PACRG: variants seen among roughly 807,000 people sequenced by gnomAD.
PACRG encodes parkin coregulated gene protein.
In PACRG, 29 loss-of-function variants were observed where a neutral mutation model predicts 29.7. The ratio of observed to expected loss-of-function variants is 0.98; its 90% CI spans 0.73 to 1.33. The LOEUF is 1.33. Ranked by LOEUF, PACRG falls within the 40% of genes most tolerant of loss-of-function variation. The pLI, the probability that PACRG is intolerant of heterozygous loss-of-function variation, is 0.00. For synonymous variants in PACRG, 116 were observed against 118.7 expected (o/e 0.98, Z 0.15); for missense variants, 279 against 316.2 (o/e 0.88, Z 0.89).
intron 4 of PACRG, among the ~76,000 whole-genome samples, chr6:163,127,856 A>T (rs1816580085): frequency 6.6e-6 from 1 of 152,348 alleles, no homozygotes; most frequent in South Asian, 2.1e-4. Context: ...TTATAAATTA[A>T]CAGATCCAGT....
intron 2 of PACRG, among the ~76,000 whole-genome samples, chr6:162,849,602 C>T (rs1182108267): frequency 1.3e-5 from 2 of 152,326 alleles, no homozygotes; most frequent in East Asian, 3.9e-4. Flanking sequence ...TAGTTCCTGT[C>T]TGTATCCATT....
chr6:162,888,109 G>T (rs1028159659), intron 2 of PACRG, among the ~76,000 whole-genome samples: 2 of 151,478 alleles, frequency 1.3e-5, no homozygotes, highest in East Asian at 3.9e-4. Context: ...GCGGGGTCTC[G>T]TCCTCATCTG....
At chr6:163,239,041 G>A (rs992039055) in intron 4 of PACRG, among the ~76,000 whole-genome samples, 1 of 152,170 alleles carries the variant, frequency 6.6e-6, no homozygotes, top group African/African-American at 2.4e-5. Context: ...TTAGCATGTG[G>A]TAAAAGCTTG....
chr6:162,885,517 TTCCTCG>T (rs75516084), intron 2 of PACRG, among the ~76,000 whole-genome samples: 27,317 of 152,014 alleles, frequency 0.18, 3,139 homozygotes, highest in Non-Finnish European at 0.25. Context: ...GCCATCTGCC[TTCCTCG>T]GCCTCCCAAA....
chr6:162,764,359 T>C (rs1472006269), intron 1 of PACRG, among the ~76,000 whole-genome samples: 1 of 152,064 alleles, frequency 6.6e-6, no homozygotes, highest in East Asian at 1.9e-4. Flanking sequence ...TAATTGGTGT[T>C]ATGGATTAGA....
chr6:163,181,102 G>A (rs1346129422), intron 4 of PACRG, among the ~76,000 whole-genome samples: 1 of 152,144 alleles, frequency 6.6e-6, no homozygotes, highest in Non-Finnish European at 1.5e-5. Context: ...TCAGCTGTGC[G>A]GGCACCTGTG....
At chr6:163,256,517 G>A (rs1299672830) in intron 4 of PACRG, among the ~76,000 whole-genome samples, 1 of 152,240 alleles carries the variant, frequency 6.6e-6, no homozygotes, top group Admixed American at 6.5e-5. Flanking sequence ...GCAACCTAAA[G>A]CCAGGTGGTT....
intron 2 of PACRG, among the ~76,000 whole-genome samples, chr6:162,823,027 G>A (rs372997645): frequency 9.9e-5 from 15 of 152,012 alleles, no homozygotes; most frequent in African/African-American, 1.9e-4. Flanking sequence ...CTGATTTGCC[G>A]TTGCATGTTA....
intron 4 of PACRG, among the ~76,000 whole-genome samples, chr6:163,237,129 G>T (rs1296198347): frequency 1.3e-5 from 2 of 152,134 alleles, no homozygotes; most frequent in African/African-American, 4.8e-5. Context: ...ACAGGCTTTT[G>T]AGATACGTAA....
chr6:163,121,318 ATT>A (rs979941667), intron 4 of PACRG, among the ~76,000 whole-genome samples: 3 of 152,204 alleles, frequency 2.0e-5, no homozygotes, highest in African/African-American at 7.2e-5. Context: ...ATTGCCTTAT[ATT>A]TTAGTGCTAT....
chr6:162,941,048 A>ATGTGTGTGTGTGTG (rs370462604), intron 2 of PACRG, among the ~76,000 whole-genome samples: 5 of 81,856 alleles, frequency 6.1e-5, no homozygotes, highest in African/African-American at 1.6e-4. Flanking sequence ...GTGTTTGTGC[A>ATGTGTGTGTGTGTG]TGTGTGTGTG....
At chr6:163,034,946 G>A (rs748422231) in intron 2 of PACRG, among the ~76,000 whole-genome samples, 9 of 152,178 alleles carry the variant, frequency 5.9e-5, no homozygotes, top group Non-Finnish European at 1.0e-4. Flanking sequence ...GCCCATTTTT[G>A]TGGTTATTTC....
intron 2 of PACRG, among the ~76,000 whole-genome samples, chr6:162,895,535 C>G (rs1031659533): frequency 6.6e-6 from 1 of 152,138 alleles, no homozygotes; most frequent in Non-Finnish European, 1.5e-5. Context: ...TATGTTTTAA[C>G]GGTTTCTTAT....
intron 2 of PACRG, among the ~76,000 whole-genome samples, chr6:163,049,610 C>T (rs1447890628): frequency 1.3e-5 from 2 of 151,928 alleles, no homozygotes; most frequent in Non-Finnish European, 2.9e-5. Context: ...TAGGCCAATG[C>T]CTCAGTAGAG....
intron 4 of PACRG, among the ~76,000 whole-genome samples, chr6:163,293,079 G>A (rs565672110): frequency 4.4e-4 from 67 of 152,254 alleles, no homozygotes; most frequent in African/African-American, 1.3e-3. Context: ...AAGATTTTTC[G>A]TGACTTTTCT....
At chr6:162,893,452 G>T (rs1420760231) in intron 2 of PACRG, among the ~76,000 whole-genome samples, 8 of 152,170 alleles carry the variant, frequency 5.3e-5, no homozygotes, top group Non-Finnish European at 1.5e-5. Context: ...AGGCTACATT[G>T]TAGTGATTGT....
intron 4 of PACRG, among the ~76,000 whole-genome samples, chr6:163,269,782 CAG>C (rs1783668063): frequency 2.8e-5 from 2 of 70,750 alleles, no homozygotes; most frequent in African/African-American, 1.1e-4. Flanking sequence ...GACAGACAGA[CAG>C]AAAGAAAGAA....
chr6:162,825,114 T>TA (rs1338305731), intron 2 of PACRG, among the ~76,000 whole-genome samples: 2 of 152,196 alleles, frequency 1.3e-5, no homozygotes, highest in Non-Finnish European at 2.9e-5. Flanking sequence ...ACCTTTAAAA[T>TA]GACCTTTAGG....
chr6:163,225,142 G>A (rs1319739930), intron 4 of PACRG, among the ~76,000 whole-genome samples: 23 of 152,198 alleles, frequency 1.5e-4, no homozygotes, highest in Admixed American at 1.5e-3. Context: ...AAACCATGAT[G>A]AGATATCTCT....
Sources: allele counts gnomAD v4.1 joint callset (sites outside exome capture counted in the v4.1 genomes callset), GRCh38; gene constraint gnomAD v4.1.1; transcripts MANE v1.5; gene names NCBI Gene and HGNC (gene_info 2026-07-23, HGNC 2026-07-21).